MYO16: variants seen among roughly 807,000 people sequenced by gnomAD.
The protein encoded by MYO16 is myosin XVI, also known as unconventional myosin-XVI.
A neutral mutation model predicts 205.3 loss-of-function variants in MYO16; 94 were observed. That is an observed-to-expected ratio of 0.46 (90% CI 0.39 to 0.54). The LOEUF (loss-of-function observed/expected upper bound fraction) is 0.54, where lower values mean the gene tolerates loss of function less well. Among genes scored for constraint, MYO16 ranks in the 20% least tolerant of loss-of-function variants. The probability of loss-of-function intolerance (pLI) is 0.00; values close to 1 mark genes in which losing one functional copy is unlikely to be tolerated. For synonymous variants in MYO16, 988 were observed against 954.0 expected, an observed-to-expected ratio of 1.04 and a Z score of -0.66; for missense variants, 2,315 against 2,387.5, an observed-to-expected ratio of 0.97 and a Z score of 0.63.
chr13:108,564,193 G>A, the MYO16 span, among the ~76,000 whole-genome samples: 6 of 135,432 alleles, frequency 4.4e-5, no homozygotes, highest in African/African-American at 1.4e-4. Context: ...TTTTTTTTGA[G>A]AGGGTCTCGC....
chr13:108,622,320 C>T (rs1879573690), intron 1 of MYO16, among the ~76,000 whole-genome samples: 1 of 152,148 alleles, frequency 6.6e-6, no homozygotes, highest in Non-Finnish European at 1.5e-5. Flanking sequence ...CAGAAGAACC[C>T]TGGGCGCTTG....
intron 34 of MYO16, among the ~76,000 whole-genome samples, chr13:109,203,669 G>T (rs1880489197): frequency 6.6e-6 from 1 of 152,136 alleles, no homozygotes; most frequent in Admixed American, 6.5e-5. Context: ...AGAGCTCCCA[G>T]CCTGACTCTG....
At chr13:109,149,334 C>T (rs1003184382) in intron 32 of MYO16, among the ~76,000 whole-genome samples, 1 of 152,156 alleles carries the variant, frequency 6.6e-6, no homozygotes, top group Non-Finnish European at 1.5e-5. Context: ...CTCCTTTCTC[C>T]CCCTGGACCC....
chr13:108,909,862 A>T, intron 15 of MYO16, 141 bp from the exon 16 acceptor site: 1 of 897,054 alleles, frequency 1.1e-6, no homozygotes, highest in Non-Finnish European at 1.7e-6. Context: ...ATGCAAAAAG[A>T]CAATAAAATA....
intron 31 of MYO16, among the ~76,000 whole-genome samples, chr13:109,133,441 A>C (rs1437614814): frequency 6.6e-6 from 1 of 152,270 alleles, no homozygotes. Flanking sequence ...ACTTATGCAC[A>C]GAAGATGACT....
At position 109,007,356 on chromosome 13, in the gene MYO16, C is replaced by A. The variant is rs543427343; in HGVS notation, c.2443-1541C>A. ...TGAGCCGAGATGGCGCCACTGCACT[C>A]CAGCCTGGGCGACAGGGCGAGACTC... On this transcript the variant is annotated intron_variant, in intron 21 of 34. Coordinates refer to ENST00000457511, the MANE Select transcript of MYO16 (RefSeq NM_001198950.3). Among the ~76,000 whole-genome samples, 17 of 151,736 alleles carry A rather than the reference C, an allele frequency of 1.1e-4. No individual in the cohort carries two copies. In the East Asian group the frequency reaches 2.9e-3, roughly 26 times the overall value.
chr13:109,094,946 C>T (rs976767910), intron 27 of MYO16, among the ~76,000 whole-genome samples: 16 of 151,154 alleles, frequency 1.1e-4, no homozygotes, highest in African/African-American at 3.7e-4. Context: ...AATTCTAGCT[C>T]TCTCTACCAT....
At chr13:108,611,519 CAT>C (rs1879171747) in intron 1 of MYO16, among the ~76,000 whole-genome samples, 2 of 152,082 alleles carry the variant, frequency 1.3e-5, no homozygotes, top group African/African-American at 4.8e-5. Context: ...TAGAGATTCA[CAT>C]ATGAGGAAAG....
chr13:109,112,712 G>A (rs1227668817), intron 28 of MYO16, among the ~76,000 whole-genome samples: 1 of 152,140 alleles, frequency 6.6e-6, no homozygotes, highest in African/African-American at 2.4e-5. Flanking sequence ...CCGAGATCAT[G>A]CCATTGCACT....
At chr13:109,081,020 TGACA>T (rs1343365590) in intron 27 of MYO16, among the ~76,000 whole-genome samples, 1 of 152,148 alleles carries the variant, frequency 6.6e-6, no homozygotes, top group Non-Finnish European at 1.5e-5. Context: ...AAAAACGTAT[TGACA>T]GACTTGAAAG....
intron 1 of MYO16, among the ~76,000 whole-genome samples, chr13:108,615,280 T>C (rs964251522): frequency 1.8e-4 from 28 of 151,980 alleles, no homozygotes; most frequent in Non-Finnish European, 1.5e-4. Flanking sequence ...CTGGCTAAAA[T>C]AAAACGTCAA....
intron 1 of MYO16, among the ~76,000 whole-genome samples, chr13:108,660,636 C>T (rs1881462066): frequency 6.6e-6 from 1 of 152,108 alleles, no homozygotes; most frequent in African/African-American, 2.4e-5. Flanking sequence ...ATGCCTTTTT[C>T]CACCCCTTTA....
At chr13:109,050,270 CTT>C (rs1204374842) in intron 24 of MYO16, among the ~76,000 whole-genome samples, 1 of 151,868 alleles carries the variant, frequency 6.6e-6, no homozygotes. Context: ...TCTTTCATGA[CTT>C]TTTTTAATGC....
chr13:109,092,651 T>C (rs748039848), intron 27 of MYO16, among the ~76,000 whole-genome samples: 9 of 152,150 alleles, frequency 5.9e-5, no homozygotes, highest in Non-Finnish European at 1.3e-4. Flanking sequence ...GATGAAATAA[T>C]AGGTACAACA....
chr13:108,836,931 T>C (rs1450391938), intron 9 of MYO16, among the ~76,000 whole-genome samples: 1 of 152,184 alleles, frequency 6.6e-6, no homozygotes, highest in African/African-American at 2.4e-5. Flanking sequence ...ACTTGGACTT[T>C]TGCGTTAATG....
intron 20 of MYO16, among the ~76,000 whole-genome samples, chr13:108,971,258 A>T (rs1883996859): frequency 6.6e-6 from 1 of 151,794 alleles, no homozygotes; most frequent in Non-Finnish European, 1.5e-5. Context: ...GGGTTATAGA[A>T]ACTTTGGAGT....
intron 32 of MYO16, among the ~76,000 whole-genome samples, chr13:109,158,512 G>A (rs1878190730): frequency 6.6e-6 from 1 of 152,118 alleles, no homozygotes; most frequent in Non-Finnish European, 1.5e-5. Flanking sequence ...TGAGGAGTTG[G>A]ACTTTTCCCA....
upstream of MYO16, chr13:108,629,194 A>G (rs1040589086): frequency 6.6e-6 from 1 of 152,196 alleles, no homozygotes; most frequent in Admixed American, 6.5e-5. Context: ...TGTGTTTTGA[A>G]ATATAATGCA....
At chr13:109,018,631 A>G (rs1411769291) in intron 22 of MYO16, among the ~76,000 whole-genome samples, 2 of 152,204 alleles carry the variant, frequency 1.3e-5, no homozygotes, top group African/African-American at 4.8e-5. Flanking sequence ...TGAGCGAAGC[A>G]TGGGATATAA....
Sources: gnomAD v4.1 joint callset for allele counts (sites outside exome capture counted in the v4.1 genomes callset) on GRCh38, gnomAD v4.1.1 for gene constraint, MANE v1.5 for transcripts, NCBI Gene and HGNC (gene_info 2026-07-23, HGNC 2026-07-21) for gene names.